KCND2: variants seen among roughly 807,000 people sequenced by gnomAD.
KCND2 encodes A-type voltage-gated potassium channel KCND2.
A neutral mutation model predicts 54.4 loss-of-function variants in KCND2; 16 were observed. That is an observed-to-expected ratio of 0.29 (90% CI 0.20 to 0.45). The LOEUF (loss-of-function observed/expected upper bound fraction) is 0.45. Ranked by LOEUF, KCND2 falls within the 20% of genes least tolerant of loss-of-function variation. KCND2 has a pLI of 1.00. For missense variants in KCND2, 486 were observed against 824.2 expected, an observed-to-expected ratio of 0.59 and a Z score of 5.02; for synonymous variants, 317 against 310.7, an observed-to-expected ratio of 1.02 and a Z score of -0.21.
At chr7:120,299,236 C>G (rs956720652) in intron 1 of KCND2, among the ~76,000 whole-genome samples, 1 of 152,112 alleles carries the variant, frequency 6.6e-6, no homozygotes, top group African/African-American at 2.4e-5. Flanking sequence ...TTATTATTTT[C>G]TTACTACCAC....
chr7:120,541,381 G>A (rs534822606), intron 1 of KCND2, among the ~76,000 whole-genome samples: 1 of 149,278 alleles, frequency 6.7e-6, no homozygotes, highest in African/African-American at 2.6e-5. Context: ...TATTTATTAA[G>A]ATAATGAAGG....
intron 1 of KCND2, among the ~76,000 whole-genome samples, chr7:120,354,732 C>A (rs1800471934): frequency 6.6e-6 from 1 of 151,912 alleles, no homozygotes; most frequent in Admixed American, 6.6e-5. Context: ...TCAGCTCCCA[C>A]CTGGGTAACA....
In KCND2 at chr7:120,678,511, TATAC is replaced by T. The variant is rs921191033; in HGVS notation, c.1116-54382_1116-54379del. Reference sequence around the variant, plus strand: ...CATAAATATACATATAAATATTACATATACATACATACACATAAATATACAAAAT... The same window carrying T: ...CATAAATATACATATAAATATTACATATACATACACATAAATATACAAAAT... On this transcript the variant is annotated intron_variant, in intron 1 of 5. Coordinates refer to ENST00000331113, the MANE Select transcript of KCND2 (RefSeq NM_012281.3). Among the ~76,000 whole-genome samples, 3 of 147,466 alleles carry T rather than the reference TATAC, an allele frequency of 2.0e-5. No homozygotes were observed. The South Asian group carries it at 6.3e-4, about 31-fold the overall frequency.
chr7:120,436,497 T>C (rs191724341), intron 1 of KCND2, among the ~76,000 whole-genome samples: 1 of 152,354 alleles, frequency 6.6e-6, no homozygotes, highest in East Asian at 1.9e-4. Flanking sequence ...TGTTCAAGTA[T>C]GCAAGAAACA....
At chr7:120,442,952 C>T (rs756092322) in intron 1 of KCND2, among the ~76,000 whole-genome samples, 3 of 152,202 alleles carry the variant, frequency 2.0e-5, no homozygotes, top group East Asian at 1.9e-4. Flanking sequence ...CACTTTACTT[C>T]GTTCTAGGAG....
At position 120,748,291 on chromosome 7, in the gene KCND2, ACT is replaced by A. The variant is rs1416391188; in HGVS notation, c.*435_*436del. On this transcript the variant is annotated 3_prime_UTR_variant, in exon 6 of 6. Coordinates refer to ENST00000331113, the MANE Select transcript of KCND2 (RefSeq NM_012281.3). ...GAAGATTATTACATATGAAAAAAAA[ACT>A]CACACAACATATTTGTATTGACTGA... 1 of 161,226 alleles carries A rather than the reference ACT, an allele frequency of 6.2e-6. No homozygotes were observed. Among genetic ancestry groups the A allele is most frequent in the Admixed American group, 6.1e-5 (1 of 16,310 alleles). The allele number at this position is 161,226 out of a possible 1,614,324, so 10.0% of individuals were successfully genotyped here.
chr7:120,744,160 G>A (rs777435541), intron 4 of KCND2, among the ~76,000 whole-genome samples: 114 of 152,094 alleles, frequency 7.5e-4, no homozygotes, highest in Non-Finnish European at 1.3e-3. Flanking sequence ...TACTCGGGAG[G>A]CTGAGGCAGG....
chr7:120,522,575 T>C (rs1161779841), intron 1 of KCND2, among the ~76,000 whole-genome samples: 2 of 152,210 alleles, frequency 1.3e-5, no homozygotes, highest in Non-Finnish European at 2.9e-5. Flanking sequence ...GATTACCATG[T>C]AAGTTGTTCA....
At chr7:120,298,884 G>A (rs968133510) in intron 1 of KCND2, among the ~76,000 whole-genome samples, 10 of 152,112 alleles carry the variant, frequency 6.6e-5, no homozygotes, top group South Asian at 2.1e-4. Context: ...GAGGCCTGGC[G>A]CGGTGGCTCA....
chr7:120,534,800 G>A (rs536264567), intron 1 of KCND2, among the ~76,000 whole-genome samples: 2 of 152,012 alleles, frequency 1.3e-5, no homozygotes, highest in African/African-American at 2.4e-5. Flanking sequence ...TAAATTTAAG[G>A]ATGTCTCTTG....
chr7:120,703,407 G>T (rs1485592307), intron 1 of KCND2, among the ~76,000 whole-genome samples: 1 of 152,170 alleles, frequency 6.6e-6, no homozygotes, highest in African/African-American at 2.4e-5. Context: ...TTCAAAGGTT[G>T]TGAACCCTAT....
intron 1 of KCND2, among the ~76,000 whole-genome samples, chr7:120,697,373 T>G (rs1360195614): frequency 6.6e-6 from 1 of 152,182 alleles, no homozygotes; most frequent in African/African-American, 2.4e-5. Flanking sequence ...TATCTAGGTA[T>G]GTGAAGATTT....
intron 1 of KCND2, among the ~76,000 whole-genome samples, chr7:120,395,266 T>G (rs566393399): frequency 6.6e-6 from 1 of 152,206 alleles, no homozygotes; most frequent in East Asian, 1.9e-4. Context: ...TGGGGCAGCT[T>G]TCCATAGCTA....
rs76927080 is a variant in KCND2, at chr7:120,405,212, G to A, written c.1115+129465G>A. Among the ~76,000 whole-genome samples the A allele has an allele frequency of 4.1e-4, 63 of 152,202 alleles. 1 individual carries two copies. The East Asian group carries it at 0.011, about 27-fold the overall frequency. On this transcript the variant is annotated intron_variant, in intron 1 of 5. Coordinates refer to ENST00000331113, the MANE Select transcript of KCND2 (RefSeq NM_012281.3). ...AAAGCCAATGCAAGTAATAAAGGTT[G>A]TGTTAAATTAAGTCCAGTCCATCAT...
At chr7:120,717,121 T>A (rs1792612787) in intron 1 of KCND2, among the ~76,000 whole-genome samples, 1 of 152,128 alleles carries the variant, frequency 6.6e-6, no homozygotes, top group Non-Finnish European at 1.5e-5. Flanking sequence ...ATAAAATACC[T>A]ACATCATGAG....
intron 1 of KCND2, among the ~76,000 whole-genome samples, chr7:120,284,318 C>A (rs1799308285): frequency 6.6e-6 from 1 of 152,018 alleles, no homozygotes; most frequent in African/African-American, 2.4e-5. Context: ...CGCGCGCACA[C>A]TCCAACCATT....
intron 1 of KCND2, among the ~76,000 whole-genome samples, chr7:120,372,870 G>A (rs543804961): frequency 3.0e-4 from 46 of 152,026 alleles, no homozygotes; most frequent in African/African-American, 9.9e-4. Context: ...GAATGGAATA[G>A]CTGCCACCAG....
rs1029491436 is a variant in KCND2, at chr7:120,631,015, G to A, written c.1116-101888G>A. Among the ~76,000 whole-genome samples the A allele has an allele frequency of 7.2e-4, 109 of 152,248 alleles. 2 individuals carry two copies. Among genetic ancestry groups the A allele is most frequent in the African/African-American group, 2.5e-3 (102 of 41,570 alleles). On this transcript the variant is annotated intron_variant, in intron 1 of 5. Transcript: ENST00000331113. ...CTGCAGTTTAAAAGAGATTAAATGT[G>A]TTTCTAACAACTGCTTTCAAAACTG... is the stretch of plus-strand genomic sequence containing the variant.
Position 120,379,375 on chromosome 7 carries a change from C to T in KCND2, c.1115+103628C>T, listed in dbSNP as rs192885142. Among the ~76,000 whole-genome samples the T allele has an allele frequency of 3.3e-5, 5 of 152,102 alleles. No homozygotes were observed. In the East Asian group the frequency reaches 9.7e-4, roughly 29 times the overall value. On this transcript the variant is annotated intron_variant, in intron 1 of 5. Coordinates refer to ENST00000331113, the MANE Select transcript of KCND2 (RefSeq NM_012281.3). ...GGTACAGATAAATTAGATAGTGTGT[C>T]CTGTTTAAGGTCACAACTGGCCTTC...
Sources: allele counts gnomAD v4.1 joint callset (sites outside exome capture counted in the v4.1 genomes callset), GRCh38; gene constraint gnomAD v4.1.1; transcripts MANE v1.5; gene names NCBI Gene and HGNC (gene_info 2026-07-23, HGNC 2026-07-21).